The following TNFSF13B variants were observed in gnomAD, a reference collection of about 807,000 sequenced individuals.
TNFSF13B encodes tumor necrosis factor ligand superfamily member 13B.
TNFSF13B carries 8 observed loss-of-function variants against 29.1 expected under a neutral mutation model. That is an observed-to-expected ratio of 0.27 (90% CI 0.16 to 0.50). The LOEUF (loss-of-function observed/expected upper bound fraction) is 0.50, where lower values mean the gene tolerates loss of function less well. TNFSF13B is among the 20% of genes least tolerant of loss of function. TNFSF13B has a pLI of 0.98. For synonymous variants in TNFSF13B, 125 were observed against 130.8 expected, an observed-to-expected ratio of 0.96 and a Z score of 0.30; for missense variants, 248 against 334.9, an observed-to-expected ratio of 0.74 and a Z score of 2.03.
chr13:108,303,410 A>T (rs755331513), intron 4 of TNFSF13B, 44 bp from the exon 5 acceptor site: 5 of 1,610,020 alleles, frequency 3.1e-6, no homozygotes, highest in Non-Finnish European at 4.2e-6. Flanking sequence ...AAAGCCTCCC[A>T]TTTTGTGTTC....
intron 2 of TNFSF13B, among the ~76,000 whole-genome samples, chr13:108,278,324 G>A (rs191240976): frequency 4.6e-5 from 7 of 152,184 alleles, no homozygotes; most frequent in African/African-American, 1.4e-4. Flanking sequence ...CTAGACAGTG[G>A]TCAAGAGAGC....
chr13:108,304,407 A>G (rs1881712878), intron 5 of TNFSF13B, among the ~76,000 whole-genome samples: 1 of 152,196 alleles, frequency 6.6e-6, no homozygotes, highest in African/African-American at 2.4e-5. Flanking sequence ...TGACTTAGGA[A>G]TGCGAAAGTG....
At chr13:108,271,750 A>C (rs1338389614) in intron 2 of TNFSF13B, among the ~76,000 whole-genome samples, 1 of 152,098 alleles carries the variant, frequency 6.6e-6, no homozygotes, top group Non-Finnish European at 1.5e-5. Flanking sequence ...AATATATACT[A>C]TAATATTTTT....
chr13:108,272,431 T>C (rs138552608), intron 2 of TNFSF13B, among the ~76,000 whole-genome samples: 2 of 152,136 alleles, frequency 1.3e-5, no homozygotes, highest in Admixed American at 6.5e-5. Flanking sequence ...CATTTGTTCA[T>C]GTTTTCTTAA....
intron 3 of TNFSF13B, among the ~76,000 whole-genome samples, chr13:108,295,423 C>T (rs1881436672): frequency 6.9e-6 from 1 of 145,256 alleles, no homozygotes; most frequent in African/African-American, 2.6e-5. Flanking sequence ...CAACTCCTTA[C>T]CTCAAATGAT....
chr13:108,286,452 A>G (rs1206273095), intron 2 of TNFSF13B, among the ~76,000 whole-genome samples: 1 of 152,080 alleles, frequency 6.6e-6, no homozygotes, highest in African/African-American at 2.4e-5. Context: ...ATTGTTTAGA[A>G]TGTTCTTATA....
At chr13:108,303,952 C>T (rs1881699879) in intron 5 of TNFSF13B, among the ~76,000 whole-genome samples, 1 of 152,116 alleles carries the variant, frequency 6.6e-6, no homozygotes, top group South Asian at 2.1e-4. Flanking sequence ...CACTTAATAA[C>T]AACAATAATA....
chr13:108,270,247 C>G lies in TNFSF13B; in HGVS notation c.339+13C>G. ...CGCGGGACTGAAAGTGAGTTTGCAG[C>G]AGCTGCAAGACGCAGGCAAGATCCT... On this transcript the variant is annotated intron_variant, in intron 1 of 5. Coordinates refer to ENST00000375887, the MANE Select transcript of TNFSF13B (RefSeq NM_006573.5). 1 of 1,609,026 alleles carries G rather than the reference C, an allele frequency of 6.2e-7. No homozygotes were observed. Among genetic ancestry groups the G allele is most frequent in the Non-Finnish European group, 8.5e-7 (1 of 1,177,988 alleles).
At chr13:108,285,514 A>T (rs965429128) in intron 2 of TNFSF13B, among the ~76,000 whole-genome samples, 8 of 152,226 alleles carry the variant, frequency 5.3e-5, no homozygotes, top group African/African-American at 1.9e-4. Context: ...TGTATTGAAT[A>T]TTGTAGGCAA....
At chr13:108,298,509 G>T (rs1048881633) in intron 3 of TNFSF13B, among the ~76,000 whole-genome samples, 1 of 145,544 alleles carries the variant, frequency 6.9e-6, no homozygotes, top group South Asian at 2.1e-4. Context: ...AAGACAAAAA[G>T]ATTCCAAATC....
At chr13:108,274,331 T>G (rs1224092242) in intron 2 of TNFSF13B, among the ~76,000 whole-genome samples, 1 of 137,320 alleles carries the variant, frequency 7.3e-6, no homozygotes, top group African/African-American at 2.5e-5. Context: ...ATACATATAT[T>G]TATACAAATA....
intron 2 of TNFSF13B, among the ~76,000 whole-genome samples, chr13:108,286,128 T>C (rs1881121462): frequency 1.3e-5 from 2 of 152,226 alleles, no homozygotes; most frequent in Admixed American, 6.5e-5. Flanking sequence ...CTCTCTTTGG[T>C]CCAATATATT....
intron 2 of TNFSF13B, among the ~76,000 whole-genome samples, chr13:108,284,363 T>TAAATAAAC (rs1881060765): frequency 1.1e-5 from 1 of 89,618 alleles, no homozygotes; most frequent in African/African-American, 2.9e-5. Context: ...AATGAATAAA[T>TAAATAAAC]AAACAAACAA....
At chr13:108,282,846 A>G (rs1038016560) in intron 2 of TNFSF13B, among the ~76,000 whole-genome samples, 6 of 152,214 alleles carry the variant, frequency 3.9e-5, no homozygotes, top group African/African-American at 1.2e-4. Flanking sequence ...AGTTAAAAGA[A>G]AAAACAATAA....
chr13:108,282,414 C>A (rs1456672411), intron 2 of TNFSF13B, among the ~76,000 whole-genome samples: 2 of 151,966 alleles, frequency 1.3e-5, no homozygotes, highest in African/African-American at 4.8e-5. Flanking sequence ...CAGATATTAC[C>A]AATTCTCTAA....
At chr13:108,278,583 CCTCCTCCCCTT>C (rs1880825414) in intron 2 of TNFSF13B, among the ~76,000 whole-genome samples, 1 of 142,546 alleles carries the variant, frequency 7.0e-6, no homozygotes, top group Non-Finnish European at 1.5e-5. Context: ...CTCCTCTCCT[CCTCCTCCCCTT>C]CTCTTCCTCC....
At chr13:108,280,760 G>C (rs1442277639) in intron 2 of TNFSF13B, among the ~76,000 whole-genome samples, 1 of 151,358 alleles carries the variant, frequency 6.6e-6, no homozygotes, top group Non-Finnish European at 1.5e-5. Flanking sequence ...AATACAAAAG[G>C]CTTGCAATTT....
intron 5 of TNFSF13B, among the ~76,000 whole-genome samples, chr13:108,305,562 T>C (rs372612100): frequency 2.0e-5 from 3 of 152,180 alleles, no homozygotes; most frequent in African/African-American, 7.2e-5. Context: ...TTCCAATCTC[T>C]ATGAAAATGA....
intron 5 of TNFSF13B, 39 bp from the exon 6 acceptor site, chr13:108,306,787 T>C (rs1881787514): frequency 1.7e-6 from 2 of 1,184,024 alleles, no homozygotes; most frequent in Middle Eastern, 1.9e-4. Flanking sequence ...TTTTCTGTTG[T>C]ATAACCACTT....
Sources: gnomAD v4.1 joint callset for allele counts (sites outside exome capture counted in the v4.1 genomes callset) on GRCh38, gnomAD v4.1.1 for gene constraint, MANE v1.5 for transcripts, NCBI Gene and HGNC (gene_info 2026-07-23, HGNC 2026-07-21) for gene names.